CYP20A1: variants seen among roughly 807,000 people sequenced by gnomAD.
CYP20A1 encodes the protein cytochrome P450 20A1.
In CYP20A1, 61 loss-of-function variants were observed where a neutral mutation model predicts 61.4. The ratio of observed to expected loss-of-function variants is 0.99; its 90% confidence interval spans 0.81 to 1.23. CYP20A1 has a LOEUF of 1.23. Ranked by LOEUF, CYP20A1 falls within the 50% of genes most tolerant of loss-of-function variation. The pLI is 0.00. For synonymous variants in CYP20A1, 193 were observed against 188.2 expected, an observed-to-expected ratio of 1.03 and a Z score of -0.21; for missense variants, 530 against 542.4, an observed-to-expected ratio of 0.98 and a Z score of 0.23.
intron 4 of CYP20A1, among the ~76,000 whole-genome samples, chr2:203,252,619 T>C (rs2066735048): frequency 6.6e-6 from 1 of 152,086 alleles, no homozygotes; most frequent in Admixed American, 6.6e-5. Context: ...GGTCTCAAAC[T>C]CCTGACCTCA....
At position 203,303,032 on chromosome 2, in the gene CYP20A1, G is replaced by A. The variant is rs922914535; in HGVS notation, c.*6124G>A. Among the ~76,000 whole-genome samples, 2 of 149,790 alleles carry A rather than the reference G, an allele frequency of 1.3e-5. No homozygotes were observed. The highest frequency in any genetic ancestry group is 3.0e-5 in the Non-Finnish European group (2 of 67,608). On this transcript the variant is annotated 3_prime_UTR_variant, in exon 13 of 13. Coordinates refer to ENST00000356079, the MANE Select transcript of CYP20A1 (RefSeq NM_177538.3). ...TTTATTTATTTTGAGATGGAGTCTCGCTGTGTCACCCAGGCTGGAGTGTGG... is the reference window on the plus strand; with the variant it reads ...TTTATTTATTTTGAGATGGAGTCTCACTGTGTCACCCAGGCTGGAGTGTGG...
At chr2:203,291,545 CTG>C (rs1371482805) in intron 10 of CYP20A1, among the ~76,000 whole-genome samples, 1 of 151,928 alleles carries the variant, frequency 6.6e-6, no homozygotes, top group African/African-American at 2.4e-5. Context: ...TTTGTTAATT[CTG>C]TCTTTATAAC....
In CYP20A1 at chr2:203,296,881, T is replaced by A. The variant is rs1430503887; in HGVS notation, c.1362T>A (p.Ala454=). ...TGGTAACATCATCAAGGGAAGAAGC[T>A]TGGATCACTGTCTCAAAGAGATATT... ...YELVTSSREE[A]WITVSKRY Residue 454 remains alanine, a synonymous_variant, in exon 13 of 13, where the codon GCT becomes GCA. Transcript: ENST00000356079. 6.3e-7 allele frequency: 1 copy of A among 1,598,878 alleles called. No homozygotes were observed. Among genetic ancestry groups the A allele is most frequent in the African/African-American group, 1.3e-5 (1 of 74,164 alleles).
rs192503007 is a variant in CYP20A1 at position 203,254,174 on chromosome 2, C to T, written c.432+2065C>T. Among the ~76,000 whole-genome samples the T allele has an allele frequency of 5.8e-4, 88 of 151,990 alleles. No individual in the cohort carries two copies. The South Asian group carries it at 0.017, about 29-fold the overall frequency. On this transcript the variant is annotated intron_variant, in intron 4 of 12. Transcript: ENST00000356079. ...TCTTGGCCAGGCTGGTCTTGAACTC[C>T]TGACCTTGTGATCCACCACCTCAGC... is the stretch of plus-strand genomic sequence containing the variant.
chr2:203,296,844 C>G lies in CYP20A1; in HGVS notation c.1325C>G (p.Thr442Arg), dbSNP rs2068820613. Reference protein sequence around the residue: ...LLSVEGQVIETKYELVTSSRE... With the variant: ...LLSVEGQVIERKYELVTSSRE... Reference sequence around the variant, plus strand: ...TCTGTGGAGGGACAGGTTATTGAAACAAAGTATGAACTGGTAACATCATCA... The same window carrying G: ...TCTGTGGAGGGACAGGTTATTGAAAGAAAGTATGAACTGGTAACATCATCA... The change falls in exon 13 of 13, where the codon ACA becomes AGA. Residue 442 changes from threonine (T) to arginine (R), a missense_variant. Thr to Arg is a moderately conservative substitution (Grantham distance 71). Coordinates refer to ENST00000356079, the MANE Select transcript of CYP20A1 (RefSeq NM_177538.3). 4 of 1,611,538 alleles carry G rather than the reference C, an allele frequency of 2.5e-6. No homozygotes were observed. The highest frequency in any genetic ancestry group is 3.4e-6 in the Non-Finnish European group (4 of 1,179,072).
intron 10 of CYP20A1, among the ~76,000 whole-genome samples, chr2:203,290,376 A>C (rs555767534): frequency 2.9e-4 from 44 of 152,286 alleles, no homozygotes; most frequent in Non-Finnish European, 5.6e-4. Context: ...TCCTTCCCAA[A>C]AGGTACTACT....
Position 203,285,722 on chromosome 2 carries a change from G to T in CYP20A1, c.961G>T (p.Glu321Ter). Residue 321 changes from glutamate to a stop codon, truncating the protein, a stop_gained, in exon 9 of 13, where the codon GAG becomes TAG. Transcript: ENST00000356079. LOFTEE classifies it high-confidence loss of function. ...GNGPVTPEKI[E>*]QLRYCQHVLC... The stretch of plus-strand genomic sequence containing the variant: ...TGGTCCTGTTACTCCAGAGAAAATT[G>T]AGCAGCTCAGGTAAGAACACAATAA... 1 of 1,592,584 alleles carries T rather than the reference G, an allele frequency of 6.3e-7. No individual in the cohort carries two copies. Among genetic ancestry groups the T allele is most frequent in the South Asian group, 1.2e-5 (1 of 86,430 alleles).
At chr2:203,292,116 AT>A (rs2068562209) in intron 10 of CYP20A1, 145 bp from the exon 11 acceptor site, 2 of 498,528 alleles carry the variant, frequency 4.0e-6, no homozygotes, top group African/African-American at 3.8e-5. Flanking sequence ...GATCACCAAA[AT>A]AATCACTTGT....
At chr2:203,254,557 A>G (rs945928746) in intron 4 of CYP20A1, among the ~76,000 whole-genome samples, 1 of 152,030 alleles carries the variant, frequency 6.6e-6, no homozygotes, top group Non-Finnish European at 1.5e-5. Context: ...CAAAAAAAAA[A>G]AAAAAATTGT....
At chr2:203,288,186 T>C (rs2068377735) in intron 9 of CYP20A1, among the ~76,000 whole-genome samples, 1 of 150,372 alleles carries the variant, frequency 6.7e-6, no homozygotes, top group Non-Finnish European at 1.5e-5. Flanking sequence ...ATGCCGCAGC[T>C]TTCCAAGTAG....
intron 3 of CYP20A1, among the ~76,000 whole-genome samples, chr2:203,248,610 A>T (rs2066546799): frequency 6.6e-6 from 1 of 152,204 alleles, no homozygotes; most frequent in African/African-American, 2.4e-5. Context: ...AAGACAAACC[A>T]AATATGTATG....
chr2:203,302,001 C>G lies in CYP20A1; in HGVS notation c.*5093C>G, dbSNP rs1056015878. Among the ~76,000 whole-genome samples the G allele has an allele frequency of 1.1e-4, 16 of 148,832 alleles. No homozygotes were observed. In the South Asian group the frequency reaches 2.2e-3, roughly 20 times the overall value. ...AGTGCCATGGCACCATCTCGGCTCACTGCAACCTCTGCTTCCCAGGTTCAA... is the reference window on the plus strand; with the variant it reads ...AGTGCCATGGCACCATCTCGGCTCAGTGCAACCTCTGCTTCCCAGGTTCAA... On this transcript the variant is annotated 3_prime_UTR_variant, in exon 13 of 13. Coordinates refer to ENST00000356079, the MANE Select transcript of CYP20A1 (RefSeq NM_177538.3).
intron 3 of CYP20A1, among the ~76,000 whole-genome samples, chr2:203,251,063 CA>C (rs35304069): frequency 2.8e-3 from 143 of 50,270 alleles, no homozygotes; most frequent in East Asian, 6.4e-3. Flanking sequence ...GATTCTGTCT[CA>C]AAAAAAAAAA....
In CYP20A1 at chr2:203,299,449, TGTTGA is replaced by T. The variant is rs965232800; in HGVS notation, c.*2545_*2549del. ...CTCTTAAAAAAAAAAATCCCTTTGTTGTTGAGTTATTTTATGTCATTTATTGGTAA... is the reference window on the plus strand; with the variant it reads ...CTCTTAAAAAAAAAAATCCCTTTGTTGTTATTTTATGTCATTTATTGGTAA... On this transcript the variant is annotated 3_prime_UTR_variant, in exon 13 of 13. Transcript: ENST00000356079. Among the ~76,000 whole-genome samples, 16 of 152,182 alleles carry T rather than the reference TGTTGA, an allele frequency of 1.1e-4. No homozygotes were observed. Among genetic ancestry groups the T allele is most frequent in the Non-Finnish European group, 1.9e-4 (13 of 68,024 alleles).
At chr2:203,255,699 C>T (rs1419373759) in intron 4 of CYP20A1, among the ~76,000 whole-genome samples, 1 of 152,138 alleles carries the variant, frequency 6.6e-6, no homozygotes, top group Non-Finnish European at 1.5e-5. Context: ...TATGATTTAG[C>T]CTGGCTACTT....
chr2:203,268,147 A>G (rs181451443), intron 5 of CYP20A1, among the ~76,000 whole-genome samples: 1 of 152,194 alleles, frequency 6.6e-6, no homozygotes, highest in East Asian at 1.9e-4. Context: ...CCTTTCCTCA[A>G]ACCATTTGAG....
chr2:203,292,705 C>T (rs1335368434), intron 11 of CYP20A1, among the ~76,000 whole-genome samples: 1 of 152,108 alleles, frequency 6.6e-6, no homozygotes, highest in African/African-American at 2.4e-5. Context: ...GCCATCCTCC[C>T]ACCTCTGCCT....
intron 5 of CYP20A1, among the ~76,000 whole-genome samples, chr2:203,270,665 T>A (rs1559097242): frequency 6.6e-6 from 1 of 151,948 alleles, no homozygotes; most frequent in African/African-American, 2.4e-5. Flanking sequence ...AATTTGTGCC[T>A]TGTGTTCTGT....
chr2:203,258,228 T>C (rs2105928799), intron 4 of CYP20A1, among the ~76,000 whole-genome samples: 1 of 152,232 alleles, frequency 6.6e-6, no homozygotes, highest in Admixed American at 6.5e-5. Flanking sequence ...CTTTTAAAAA[T>C]TACATTTGGA....
Sources: gnomAD v4.1 joint callset for allele counts (sites outside exome capture counted in the v4.1 genomes callset) on GRCh38, gnomAD v4.1.1 for gene constraint, MANE v1.5 for transcripts, NCBI Gene and HGNC (gene_info 2026-07-23, HGNC 2026-07-21) for gene names.